Variants in ZER1 observed in about 807,000 individuals in gnomAD.
ZER1 encodes the protein protein zer-1 homolog.
ZER1 carries 11 observed loss-of-function variants against 78.8 expected under a neutral mutation model. The ratio of observed to expected loss-of-function variants is 0.14; its 90% confidence interval spans 0.09 to 0.23. The LOEUF (loss-of-function observed/expected upper bound fraction) is 0.23, where lower values mean the gene tolerates loss of function less well. Among genes scored for constraint, ZER1 ranks in the 10% least tolerant of loss-of-function variants. ZER1 has a pLI of 1.00. For missense variants in ZER1, 588 were observed against 996.9 expected (o/e 0.59, Z 5.52); for synonymous variants, 400 against 407.0 (o/e 0.98, Z 0.21).
At chr9:128,734,170 T>TA (rs201959972) in intron 14 of ZER1, among the ~76,000 whole-genome samples, 7 of 65,404 alleles carry the variant, frequency 1.1e-4, no homozygotes, top group African/African-American at 3.0e-4. Context: ...TATAAAATCT[T>TA]AAAAAAAATA....
chr9:128,756,369 C>T (rs1450323162), intron 1 of ZER1, among the ~76,000 whole-genome samples: 4 of 152,118 alleles, frequency 2.6e-5, no homozygotes, highest in African/African-American at 4.8e-5. Context: ...TGGCGGAGTG[C>T]GGTGAGCCGA....
chr9:128,766,912 C>T (rs1379869289), intron 1 of ZER1, among the ~76,000 whole-genome samples: 1 of 138,442 alleles, frequency 7.2e-6, no homozygotes, highest in Non-Finnish European at 1.5e-5. Context: ...ATCAAAGTCA[C>T]AGATAACTTA....
chr9:128,765,663 T>C (rs1288974152), intron 1 of ZER1, among the ~76,000 whole-genome samples: 1 of 152,120 alleles, frequency 6.6e-6, no homozygotes, highest in East Asian at 1.9e-4. Flanking sequence ...CTGTGAAATA[T>C]TAACCTAGGA....
Position 128,735,323 on chromosome 9 carries a change from T to C in ZER1, c.2140+11A>G, listed in dbSNP as rs756051484. 4.3e-6 allele frequency: 7 copies of C among 1,610,176 alleles called. No individual in the cohort carries two copies. The highest frequency in any genetic ancestry group is 3.3e-5 in the South Asian group (3 of 90,624). Reference sequence around the variant, plus strand: ...GATGAGTGTCTGAACCCAGGACAAGTTGGCACTCACGGTAGACAGACACGA... The same window carrying C: ...GATGAGTGTCTGAACCCAGGACAAGCTGGCACTCACGGTAGACAGACACGA... On this transcript the variant is annotated intron_variant, in intron 14 of 15. Transcript: ENST00000291900.
chr9:128,756,169 C>T (rs913700702), intron 1 of ZER1, among the ~76,000 whole-genome samples: 2 of 152,206 alleles, frequency 1.3e-5, no homozygotes, highest in Non-Finnish European at 2.9e-5. Context: ...CAGACGTGGC[C>T]GAGCACGGTG....
chr9:128,766,858 A>AG (rs1864227057), intron 1 of ZER1, among the ~76,000 whole-genome samples: 1 of 150,708 alleles, frequency 6.6e-6, no homozygotes, highest in African/African-American at 2.4e-5. Flanking sequence ...AAAAAAAAAA[A>AG]AAAAAAAAAA....
At chr9:128,735,577 G>T in intron 13 of ZER1, 146 bp from the exon 14 acceptor site, 1 of 745,374 alleles carries the variant, frequency 1.3e-6, no homozygotes, top group Non-Finnish European at 2.2e-6. Context: ...AGCTGGCCCT[G>T]CATCCCACTG....
At chr9:128,765,212 T>TACACACACAC (rs60923356) in intron 1 of ZER1, among the ~76,000 whole-genome samples, 21 of 149,798 alleles carry the variant, frequency 1.4e-4, no homozygotes, top group African/African-American at 4.6e-4. Flanking sequence ...CATGCACATG[T>TACACACACAC]ACACACACAC....
At position 128,755,509 on chromosome 9, in the gene ZER1, G is replaced by T; in HGVS notation, c.57C>A (p.Arg19=). Residue 19 remains arginine, a synonymous_variant, in exon 2 of 16, where the codon CGC becomes CGA. Transcript: ENST00000291900. This position sits in a 1 kb window ranked among gnomAD's most constrained non-coding sequence, Gnocchi z 5.6. ...GGTAGCCCAGGGTGCCATCCAGGTT[G>T]CGCAAGCAGAAGTCAGTACAGAGGG... ...LMALCTDFCL[R]NLDGTLGYLL... 6.2e-7 allele frequency: 1 copy of T among 1,614,042 alleles called. No individual in the cohort carries two copies. Among genetic ancestry groups the T allele is most frequent in the Non-Finnish European group, 8.5e-7 (1 of 1,180,016 alleles).
chr9:128,738,317 T>C (rs1425470289), intron 13 of ZER1, among the ~76,000 whole-genome samples: 4 of 145,972 alleles, frequency 2.7e-5, no homozygotes, highest in Non-Finnish European at 4.5e-5. Flanking sequence ...GTGCTGGGAT[T>C]ACAGGTGTGA....
chr9:128,766,715 G>A (rs1428550790), intron 1 of ZER1, among the ~76,000 whole-genome samples: 1 of 151,504 alleles, frequency 6.6e-6, no homozygotes, highest in Non-Finnish European at 1.5e-5. Context: ...GCATGGTGGC[G>A]GATGCCTGTA....
At chr9:128,762,075 T>C (rs1175677539) in intron 1 of ZER1, among the ~76,000 whole-genome samples, 2 of 152,184 alleles carry the variant, frequency 1.3e-5, no homozygotes, top group Admixed American at 6.6e-5. Context: ...CAACACAAAT[T>C]TGTAAACTTT....
In ZER1 at chr9:128,771,664, T is replaced by C. The variant is rs1466474812; in HGVS notation, c.-178A>G. ...GAGCAGAGAATGCAGCCCGGGAGAA[T>C]CCGGGGCCAGAGCACCTCAGGAGGT... On this transcript the variant is annotated 5_prime_UTR_variant, in exon 1 of 16. Coordinates refer to ENST00000291900, the MANE Select transcript of ZER1 (RefSeq NM_006336.4). 6.6e-6 allele frequency: 1 copy of C among 151,712 alleles called. No homozygotes were observed. Among genetic ancestry groups the C allele is most frequent in the Non-Finnish European group, 1.5e-5 (1 of 68,142 alleles). 9.4% of individuals were successfully genotyped at this position (151,712 alleles called of 1,614,324 possible).
rs1366007327 is a variant in ZER1 at position 128,732,591 on chromosome 9, CCT to C, written c.2243+833_2243+834del. Among the ~76,000 whole-genome samples the C allele has an allele frequency of 6.6e-6, 1 of 152,156 alleles. No individual in the cohort carries two copies. Among genetic ancestry groups the C allele is most frequent in the Non-Finnish European group, 1.5e-5 (1 of 68,040 alleles). On this transcript the variant is annotated intron_variant, in intron 15 of 15. Transcript: ENST00000291900. The surrounding 1 kb of genome is among the most constrained non-coding windows in gnomAD (Gnocchi z 4.8). ...TACCATGTTAGCCAGGTCTCGAACT[CCT>C]GACCTCAAGTGATGCACCCACCTCA... is the stretch of plus-strand genomic sequence containing the variant.
At chr9:128,752,294 G>C (rs1310052698) in intron 5 of ZER1, among the ~76,000 whole-genome samples, 1 of 151,152 alleles carries the variant, frequency 6.6e-6, no homozygotes, top group Non-Finnish European at 1.5e-5. Flanking sequence ...ACCCAGCACA[G>C]CACTTGGCAG....
chr9:128,735,076 A>G (rs1010237164), intron 14 of ZER1, among the ~76,000 whole-genome samples: 2 of 152,028 alleles, frequency 1.3e-5, no homozygotes, highest in African/African-American at 4.8e-5. Context: ...GTTCCTGCAC[A>G]TGGAAGCGGG....
At chr9:128,769,315 G>A (rs140441430) in intron 1 of ZER1, among the ~76,000 whole-genome samples, 9 of 152,188 alleles carry the variant, frequency 5.9e-5, no homozygotes, top group Admixed American at 2.0e-4. Context: ...CAGCGTGACC[G>A]CTATGTATTG....
At chr9:128,741,922 T>G in intron 9 of ZER1, 81 bp from the exon 10 acceptor site, 6 of 1,568,678 alleles carry the variant, frequency 3.8e-6, no homozygotes, top group Non-Finnish European at 1.8e-6. Flanking sequence ...GAGGGGAGGC[T>G]CAGCAACGCC....
At chr9:128,760,223 G>A (rs562328597) in intron 1 of ZER1, among the ~76,000 whole-genome samples, 190 of 151,746 alleles carry the variant, frequency 1.3e-3, no homozygotes, top group African/African-American at 4.4e-3. Context: ...ATTTTTTTGA[G>A]ACGGAGTCTT....
Sources: allele counts gnomAD v4.1 joint callset (sites outside exome capture counted in the v4.1 genomes callset), GRCh38; gene constraint gnomAD v4.1.1; non-coding constraint Gnocchi (gnomAD v3.1); transcripts MANE v1.5; gene names NCBI Gene and HGNC (gene_info 2026-07-23, HGNC 2026-07-21).